PRLR: variants seen among roughly 807,000 people sequenced by gnomAD.
PRLR encodes prolactin receptor.
In PRLR, 13 loss-of-function variants were observed where a neutral mutation model predicts 40.2. The observed-to-expected ratio is 0.32, with a 90% CI of 0.21 to 0.51. PRLR has a LOEUF of 0.51. Ranked by LOEUF, PRLR falls within the 20% of genes least tolerant of loss-of-function variation. The pLI, the probability that PRLR is intolerant of heterozygous loss-of-function variation, is 0.97. For missense variants in PRLR, 656 were observed against 747.3 expected (o/e 0.88, Z 1.42); for synonymous variants, 269 against 278.7 (o/e 0.97, Z 0.35).
intron 1 of PRLR, among the ~76,000 whole-genome samples, chr5:35,120,212 C>G (rs1391178713): frequency 6.6e-6 from 1 of 152,068 alleles, no homozygotes; most frequent in Admixed American, 6.6e-5. Context: ...GGTTGTGTAT[C>G]TTTTACCACA....
downstream of PRLR, among the ~76,000 whole-genome samples, chr5:35,051,910 T>C (rs1370831159): frequency 6.6e-6 from 1 of 152,008 alleles, no homozygotes; most frequent in African/African-American, 2.4e-5. Flanking sequence ...ATTAGCAATA[T>C]CAGTATCAGA....
intron 1 of PRLR, among the ~76,000 whole-genome samples, chr5:35,179,454 G>A (rs535017444): frequency 6.6e-5 from 10 of 152,252 alleles, no homozygotes; most frequent in African/African-American, 1.4e-4. Context: ...TAATAGATGC[G>A]ACATGGGCCC....
chr5:35,180,186 G>T (rs1179919498), intron 1 of PRLR, among the ~76,000 whole-genome samples: 1 of 152,134 alleles, frequency 6.6e-6, no homozygotes, highest in Non-Finnish European at 1.5e-5. Context: ...CTGAGCTCAG[G>T]CAGTAATGAG....
At chr5:35,089,713 G>T in intron 2 of PRLR, 50 bp from the exon 3 acceptor site, 1 of 1,141,958 alleles carries the variant, frequency 8.8e-7, no homozygotes, top group Non-Finnish European at 1.3e-6. Context: ...GTCTGGTCAG[G>T]CACATCCACC....
At chr5:35,116,136 G>A (rs1773004054) in intron 2 of PRLR, among the ~76,000 whole-genome samples, 1 of 152,066 alleles carries the variant, frequency 6.6e-6, no homozygotes, top group South Asian at 2.1e-4. Flanking sequence ...CTGGGTGCAG[G>A]GGTCAGGGAA....
rs560738945 is a variant in PRLR, at chr5:35,169,752, G to A, written c.-105-51630C>T. On this transcript the variant is annotated intron_variant, in intron 1 of 9. Coordinates refer to ENST00000618457, the MANE Select transcript of PRLR (RefSeq NM_000949.7). ...TTACCCTAGACTTTTTGAATTATAC[G>A]ACTTTTGGACATCACTCAATATTTA... 7.2e-5 allele frequency among the ~76,000 whole-genome samples: 11 copies of A among 152,260 alleles called. 1 individual carries two copies. The highest frequency in any genetic ancestry group is 1.7e-4 in the African/African-American group (7 of 41,550).
intron 2 of PRLR, among the ~76,000 whole-genome samples, chr5:35,096,253 C>T (rs1297749593): frequency 6.6e-6 from 1 of 152,216 alleles, no homozygotes; most frequent in Admixed American, 6.5e-5. Flanking sequence ...GGAAGTATTG[C>T]TTCCAAATCT....
At chr5:35,110,582 C>G (rs202007689) in intron 2 of PRLR, among the ~76,000 whole-genome samples, 2 of 152,140 alleles carry the variant, frequency 1.3e-5, no homozygotes, top group Non-Finnish European at 1.5e-5. Flanking sequence ...TAGTCCCAAG[C>G]AATCCTGCAA....
At chr5:35,153,879 C>G (rs1483682428) in intron 1 of PRLR, among the ~76,000 whole-genome samples, 2 of 152,108 alleles carry the variant, frequency 1.3e-5, no homozygotes, top group Non-Finnish European at 2.9e-5. Flanking sequence ...TGAGAAGGAT[C>G]CCAACCCCAA....
rs138279788 is a variant in PRLR at position 35,204,239 on chromosome 5, G to GAAAA, written c.-106+26025_-106+26028dup. Among the ~76,000 whole-genome samples, 1,004 of 143,498 alleles carry GAAAA rather than the reference G, an allele frequency of 7.0e-3. 12 individuals carry two copies. Among genetic ancestry groups the GAAAA allele is most frequent in the African/African-American group, 0.025 (976 of 39,058 alleles). The allele number at this position is 143,498 out of a possible 152,430, so 94.1% of individuals were successfully genotyped here. On this transcript the variant is annotated intron_variant, in intron 1 of 9. Coordinates refer to ENST00000618457, the MANE Select transcript of PRLR (RefSeq NM_000949.7). ...CAAAAAAAAAAATAATAAATAAAATGAAAAAAAAAACATAAAAACACACAC... is the reference window on the plus strand; with the variant it reads ...CAAAAAAAAAAATAATAAATAAAATGAAAAAAAAAAAAAACATAAAAACACACAC...
intron 2 of PRLR, among the ~76,000 whole-genome samples, chr5:35,095,386 G>A (rs899364066): frequency 6.6e-6 from 1 of 152,184 alleles, no homozygotes; most frequent in Admixed American, 6.5e-5. Flanking sequence ...CTGGTCCCAC[G>A]CTGGTATTTC....
intron 1 of PRLR, among the ~76,000 whole-genome samples, chr5:35,123,254 A>C (rs1420818174): frequency 6.6e-6 from 1 of 152,222 alleles, no homozygotes; most frequent in Non-Finnish European, 1.5e-5. Context: ...AAATGGCTAA[A>C]AAACAGAAAG....
At chr5:35,054,811 T>A (rs1312598781), downstream of PRLR, among the ~76,000 whole-genome samples, 1 of 152,096 alleles carries the variant, frequency 6.6e-6, no homozygotes, top group Non-Finnish European at 1.5e-5. Flanking sequence ...AATACCAAAG[T>A]AATTGGTCAT....
intron 2 of PRLR, among the ~76,000 whole-genome samples, chr5:35,097,083 C>T (rs34924306): frequency 3.5e-4 from 54 of 152,286 alleles, no homozygotes; most frequent in Non-Finnish European, 5.0e-4. Flanking sequence ...TCACCTGACA[C>T]GTAAATTCTC....
chr5:35,179,510 C>A (rs1413226187), intron 1 of PRLR, among the ~76,000 whole-genome samples: 1 of 152,208 alleles, frequency 6.6e-6, no homozygotes, highest in Non-Finnish European at 1.5e-5. Context: ...CAACAATAAG[C>A]AAGTGAGCAG....
At chr5:35,071,915 A>G (rs1008996928) in intron 6 of PRLR, among the ~76,000 whole-genome samples, 1 of 140,878 alleles carries the variant, frequency 7.1e-6, no homozygotes, top group Admixed American at 7.1e-5. Flanking sequence ...TTTTTTTCCA[A>G]ATGGAGTTTC....
At chr5:35,199,096 G>GA (rs1199015664) in intron 1 of PRLR, among the ~76,000 whole-genome samples, 2 of 152,170 alleles carry the variant, frequency 1.3e-5, no homozygotes, top group Admixed American at 6.5e-5. Flanking sequence ...AAAGACTAGG[G>GA]AAAAATGCAT....
chr5:35,119,554 G>A (rs1253361724), intron 1 of PRLR, among the ~76,000 whole-genome samples: 3 of 152,148 alleles, frequency 2.0e-5, no homozygotes, highest in Admixed American at 1.3e-4. Context: ...GGGTCTGTTG[G>A]ATCCAGAGCC....
At chr5:35,215,751 A>C (rs899577327) in intron 1 of PRLR, among the ~76,000 whole-genome samples, 1 of 151,834 alleles carries the variant, frequency 6.6e-6, no homozygotes, top group African/African-American at 2.4e-5. Context: ...AAATAGAAGT[A>C]AGGGCCGGGC....
Sources: gnomAD v4.1 joint callset for allele counts (sites outside exome capture counted in the v4.1 genomes callset) on GRCh38, gnomAD v4.1.1 for gene constraint, MANE v1.5 for transcripts, NCBI Gene and HGNC (gene_info 2026-07-23, HGNC 2026-07-21) for gene names.